The following THSD7A variants were observed in gnomAD, a reference collection of about 807,000 sequenced individuals.
The protein encoded by THSD7A is thrombospondin type-1 domain-containing protein 7A.
A neutral mutation model predicts 231.3 loss-of-function variants in THSD7A; 96 were observed. That is an observed-to-expected ratio of 0.41 (90% CI 0.35 to 0.49). The LOEUF (loss-of-function observed/expected upper bound fraction) is 0.49, where lower values mean the gene tolerates loss of function less well. THSD7A is among the 20% of genes least tolerant of loss of function. The pLI is 0.05. For missense variants in THSD7A, 2,290 were observed against 2,070.2 expected (o/e 1.11, Z -2.06); for synonymous variants, 940 against 743.3 (o/e 1.26, Z -4.30).
At chr7:11,816,521 T>C (rs1195619123) in intron 1 of THSD7A, among the ~76,000 whole-genome samples, 1 of 152,176 alleles carries the variant, frequency 6.6e-6, no homozygotes, top group African/African-American at 2.4e-5. Flanking sequence ...TGTGCAAGCA[T>C]TGCAGTTTGA....
intron 1 of THSD7A, among the ~76,000 whole-genome samples, chr7:11,685,422 AC>A (rs752554600): frequency 5.9e-5 from 9 of 152,032 alleles, no homozygotes; most frequent in Non-Finnish European, 1.3e-4. Flanking sequence ...AAAACTGTCA[AC>A]AGAGAAAACA....
Position 11,474,525 on chromosome 7 carries a change from T to C in THSD7A, c.2061A>G (p.Arg687=). ...CPNSSALQEV[R]SCNEHPCTVY... ...CTGTGCAAGGATGCTCATTACAGCT[T>C]CGTACTTCTTGCAAAGCACTGCTAT... Residue 687 remains arginine (R), a synonymous_variant, in exon 8 of 28, where the codon CGA becomes CGG. Coordinates refer to ENST00000423059, the MANE Select transcript of THSD7A (RefSeq NM_015204.3). The surrounding 1 kb of genome is among the most constrained non-coding windows in gnomAD (Gnocchi z 4.1). The C allele has an allele frequency of 6.2e-7, 1 of 1,609,610 alleles. No homozygotes were observed. Among genetic ancestry groups the C allele is most frequent in the Non-Finnish European group, 8.5e-7 (1 of 1,176,770 alleles).
intron 9 of THSD7A, among the ~76,000 whole-genome samples, chr7:11,465,153 T>C (rs1454095388): frequency 6.6e-6 from 1 of 152,182 alleles, no homozygotes; most frequent in African/African-American, 2.4e-5. Context: ...AGTAAGTGCT[T>C]AATAAATATT....
intron 1 of THSD7A, among the ~76,000 whole-genome samples, chr7:11,646,790 G>T (rs1562439535): frequency 6.6e-6 from 1 of 152,006 alleles, no homozygotes; most frequent in Non-Finnish European, 1.5e-5. Flanking sequence ...TTAAAAGCAT[G>T]CTATGTTGTC....
chr7:11,823,802 A>C (rs1447779004), intron 1 of THSD7A, among the ~76,000 whole-genome samples: 1 of 151,944 alleles, frequency 6.6e-6, no homozygotes, highest in Non-Finnish European at 1.5e-5. Context: ...ATCACTTCCC[A>C]TTAATATAAG....
In THSD7A at chr7:11,521,171, T is replaced by C. The variant is rs771452594; in HGVS notation, c.1822+20248A>G. On this transcript the variant is annotated intron_variant, in intron 6 of 27. Transcript: ENST00000423059. Reference sequence around the variant, plus strand: ...CTGAACATATTCACACAGACATATATATATGAATACATACATACTAAGACA... The same window carrying C: ...CTGAACATATTCACACAGACATATACATATGAATACATACATACTAAGACA... Among the ~76,000 whole-genome samples, 18 of 152,134 alleles carry C rather than the reference T, an allele frequency of 1.2e-4. 1 individual carries two copies. Among genetic ancestry groups the C allele is most frequent in the Admixed American group, 1.3e-4 (2 of 15,266 alleles).
intron 2 of THSD7A, among the ~76,000 whole-genome samples, chr7:11,614,859 T>A (rs2128350274): frequency 6.6e-6 from 1 of 152,316 alleles, no homozygotes; most frequent in South Asian, 2.1e-4. Context: ...AGAGATGAAG[T>A]GCAGTGACTA....
intron 6 of THSD7A, among the ~76,000 whole-genome samples, chr7:11,486,361 T>C (rs1322498562): frequency 6.6e-6 from 1 of 152,212 alleles, no homozygotes; most frequent in Non-Finnish European, 1.5e-5. Flanking sequence ...CAGGTTAATT[T>C]ATACTCCTCT....
chr7:11,514,580 A>G (rs1787948721), intron 6 of THSD7A, among the ~76,000 whole-genome samples: 1 of 152,092 alleles, frequency 6.6e-6, no homozygotes, highest in African/African-American at 2.4e-5. Flanking sequence ...GTAAATTTCT[A>G]TATATTTTCT....
chr7:11,478,199 C>T (rs1786274723), intron 7 of THSD7A, among the ~76,000 whole-genome samples: 1 of 152,214 alleles, frequency 6.6e-6, no homozygotes, highest in Non-Finnish European at 1.5e-5. Context: ...GATCTGACAT[C>T]CTACATGAGG....
chr7:11,512,942 G>GAGATATATATATATATATATATAT (rs1554327829), intron 6 of THSD7A, among the ~76,000 whole-genome samples: 1 of 101,974 alleles, frequency 9.8e-6, no homozygotes, highest in East Asian at 2.6e-4. Flanking sequence ...AAGAAACTAT[G>GAGATATATATATATATATATATAT]ATATATATAT....
Position 11,637,066 on chromosome 7 carries a change from G to A in THSD7A, c.191-105C>T. 9.3e-7 allele frequency: 1 copy of A among 1,072,600 alleles called. No individual in the cohort carries two copies. The highest frequency in any genetic ancestry group is 1.3e-6 in the Non-Finnish European group (1 of 751,916). 66.4% of individuals were successfully genotyped at this position (1,072,600 alleles called of 1,614,324 possible). A position where few individuals can be genotyped will look rare whatever the true frequency, so the allele number is the denominator to read the frequency against. On this transcript the variant is annotated intron_variant, in intron 1 of 27. Coordinates refer to ENST00000423059, the MANE Select transcript of THSD7A (RefSeq NM_015204.3). The surrounding 1 kb of genome is among the most constrained non-coding windows in gnomAD (Gnocchi z 4.2). ...CAAGACCTAGTACATTAACTTCCCT[G>A]CGGTGTTACAAAGTAGGTCTCTGGA... is the stretch of plus-strand genomic sequence containing the variant.
chr7:11,441,306 G>T (rs1459919180), intron 13 of THSD7A, among the ~76,000 whole-genome samples: 2 of 152,008 alleles, frequency 1.3e-5, no homozygotes, highest in Non-Finnish European at 2.9e-5. Flanking sequence ...AAAATGTAAA[G>T]CCGGATAAAG....
Position 11,406,398 on chromosome 7 carries a change from C to G in THSD7A, c.4139G>C (p.Ser1380Thr), listed in dbSNP as rs763734950. 6.2e-7 allele frequency: 1 copy of G among 1,613,938 alleles called. No homozygotes were observed. The highest frequency in any genetic ancestry group is 1.7e-5 in the Admixed American group (1 of 60,010). Reference sequence around the variant, plus strand: ...ACAGAATTCCTCATCCACCACTTTGCTGAAATCATCAGCTGACCCATCACT... The same window carrying G: ...ACAGAATTCCTCATCCACCACTTTGGTGAAATCATCAGCTGACCCATCACT... ...VVSDGSADDFSKVVDEEFCAD... is the reference protein window; with the variant it reads ...VVSDGSADDFTKVVDEEFCAD... The change falls in exon 22 of 28, where the codon AGC becomes ACC. Residue 1380 changes from serine (S) to threonine (T), a missense_variant. Transcript: ENST00000423059. This position sits in a 1 kb window ranked among gnomAD's most constrained non-coding sequence, Gnocchi z 4.7.
intron 6 of THSD7A, among the ~76,000 whole-genome samples, chr7:11,532,567 G>A (rs561647516): frequency 3.9e-5 from 6 of 152,158 alleles, no homozygotes; most frequent in East Asian, 3.9e-4. Flanking sequence ...AATCTAGATC[G>A]GCAAAAGTAG....
intron 23 of THSD7A, among the ~76,000 whole-genome samples, chr7:11,399,995 G>C (rs559271337): frequency 6.6e-6 from 1 of 152,234 alleles, no homozygotes; most frequent in African/African-American, 2.4e-5. Context: ...AAAAGGATGA[G>C]TTCATATCCT....
chr7:11,539,759 T>C (rs1279227249), intron 6 of THSD7A, among the ~76,000 whole-genome samples: 2 of 152,210 alleles, frequency 1.3e-5, no homozygotes, highest in East Asian at 3.8e-4. Flanking sequence ...TTGTACTAAG[T>C]GGACTAAATC....
At chr7:11,597,871 C>T (rs6950686) in intron 2 of THSD7A, among the ~76,000 whole-genome samples, 6,281 of 152,194 alleles carry the variant, frequency 0.041, 391 homozygotes, top group African/African-American at 0.14. Flanking sequence ...GGCTCAAATG[C>T]CCATGGTCTC....
rs1287676886 is a variant in THSD7A, at chr7:11,446,132, T to C, written c.2993A>G (p.Tyr998Cys). 6.2e-7 allele frequency: 1 copy of C among 1,613,510 alleles called. No individual in the cohort carries two copies. Among genetic ancestry groups the C allele is most frequent in the South Asian group, 1.1e-5 (1 of 91,076 alleles). The stretch of plus-strand genomic sequence containing the variant: ...GTAGCATGCCATTGCTTGGTAACGA[T>C]ATCCTTGTCCGCATTCCTTGATGTC... ...QGDIKECGQG[Y>C]RYQAMACYDQ... The change falls in exon 13 of 28, where the codon TAT (tyrosine) becomes TGT (cysteine). Residue 998 changes from tyrosine to cysteine, a missense_variant. By Grantham distance (194) the Tyr-to-Cys change is radical. Transcript: ENST00000423059. The surrounding 1 kb of genome is among the most constrained non-coding windows in gnomAD (Gnocchi z 4.0).
Sources: gnomAD v4.1 joint callset for allele counts (sites outside exome capture counted in the v4.1 genomes callset) on GRCh38, gnomAD v4.1.1 for gene constraint, Gnocchi (gnomAD v3.1) non-coding constraint, MANE v1.5 for transcripts, NCBI Gene and HGNC (gene_info 2026-07-23, HGNC 2026-07-21) for gene names.